DYNC1I1: variants seen among roughly 807,000 people sequenced by gnomAD.
The protein encoded by DYNC1I1 is dynein cytoplasmic 1 intermediate chain 1.
Under a neutral mutation model 86.6 loss-of-function variants are expected in DYNC1I1, and 43 were observed. The observed-to-expected ratio is 0.50, with a 90% CI of 0.39 to 0.64. DYNC1I1 has a LOEUF of 0.64. Ranked by LOEUF, DYNC1I1 falls within the 30% of genes least tolerant of loss-of-function variation. DYNC1I1 has a pLI of 0.00. For synonymous variants in DYNC1I1, 262 were observed against 283.7 expected (o/e 0.92, Z 0.77); for missense variants, 604 against 788.8 (o/e 0.77, Z 2.81).
intron 8 of DYNC1I1, 35 bp downstream of exon 8, chr7:95,985,012 G>A (rs768234520): frequency 3.4e-5 from 55 of 1,597,246 alleles, no homozygotes; most frequent in East Asian, 1.6e-4. Flanking sequence ...AAAAAATAGC[G>A]TAAGTTATCT....
At chr7:96,096,395 A>G (rs778069261) in intron 16 of DYNC1I1, among the ~76,000 whole-genome samples, 13 of 152,230 alleles carry the variant, frequency 8.5e-5, no homozygotes, top group Middle Eastern at 3.4e-3. Context: ...GTAGTGTAGC[A>G]CTAGTACCTA....
intron 6 of DYNC1I1, among the ~76,000 whole-genome samples, chr7:95,952,096 A>G (rs1792577465): frequency 6.6e-6 from 1 of 152,128 alleles, no homozygotes; most frequent in Non-Finnish European, 1.5e-5. Context: ...CATAGAGAAT[A>G]AGAATCTTTC....
rs192529706 is a variant in DYNC1I1, at chr7:95,920,198, G to A, written c.490+50200G>A. Reference sequence around the variant, plus strand: ...GCAATGAATCATGTTAGTAGCATGTGCCTTTAGAATGAGATGAGGAGCATG... The same window carrying A: ...GCAATGAATCATGTTAGTAGCATGTACCTTTAGAATGAGATGAGGAGCATG... On this transcript the variant is annotated intron_variant, in intron 6 of 16. Coordinates refer to ENST00000447467, the MANE Select transcript of DYNC1I1 (RefSeq NM_001135556.2). 7.9e-5 allele frequency among the ~76,000 whole-genome samples: 12 copies of A among 152,286 alleles called. No homozygotes were observed. The East Asian group carries it at 2.1e-3, about 27-fold the overall frequency.
At chr7:95,819,237 C>CTATA (rs1248612574) in intron 4 of DYNC1I1, among the ~76,000 whole-genome samples, 1 of 152,100 alleles carries the variant, frequency 6.6e-6, no homozygotes, top group Non-Finnish European at 1.5e-5. Context: ...TACTGGGCCT[C>CTATA]CATATAGTTA....
intron 9 of DYNC1I1, among the ~76,000 whole-genome samples, chr7:95,988,657 TAAGAACAGTGAGAG>T (rs1334160060): frequency 1.3e-5 from 2 of 152,314 alleles, no homozygotes; most frequent in South Asian, 2.1e-4. Flanking sequence ...AACACTGACA[TAAGAACAGTGAGAG>T]AAGCAGGAAT....
At chr7:95,863,602 A>T (rs1297649834) in intron 5 of DYNC1I1, among the ~76,000 whole-genome samples, 2 of 152,200 alleles carry the variant, frequency 1.3e-5, no homozygotes, top group Non-Finnish European at 2.9e-5. Context: ...CTCCCCATCC[A>T]GTCCTTGACA....
chr7:95,874,987 T>C (rs1032612395), intron 6 of DYNC1I1, among the ~76,000 whole-genome samples: 2 of 152,202 alleles, frequency 1.3e-5, no homozygotes, highest in African/African-American at 4.8e-5. Flanking sequence ...GGCTCATGAT[T>C]TAAACTCTGT....
chr7:95,990,255 CA>C (rs1369296429), intron 9 of DYNC1I1, among the ~76,000 whole-genome samples: 1 of 152,150 alleles, frequency 6.6e-6, no homozygotes, highest in Non-Finnish European at 1.5e-5. Flanking sequence ...TACCACGTGA[CA>C]GTTTTCAGAT....
intron 14 of DYNC1I1, among the ~76,000 whole-genome samples, chr7:96,071,817 T>C (rs1194564182): frequency 6.6e-6 from 1 of 152,198 alleles, no homozygotes; most frequent in Non-Finnish European, 1.5e-5. Flanking sequence ...TTACATAGTA[T>C]GTGCTTAGTA....
chr7:95,937,237 T>G (rs1012828294), intron 6 of DYNC1I1, among the ~76,000 whole-genome samples: 2 of 151,994 alleles, frequency 1.3e-5, no homozygotes, highest in African/African-American at 4.8e-5. Context: ...GTTCTAGAGC[T>G]CTAATGTGCA....
intron 6 of DYNC1I1, among the ~76,000 whole-genome samples, chr7:95,881,257 C>T (rs1346261703): frequency 6.6e-6 from 1 of 152,098 alleles, no homozygotes; most frequent in Non-Finnish European, 1.5e-5. Context: ...CCTTCCAATT[C>T]TCTATGAATG....
At chr7:95,905,419 G>C (rs1448600450) in intron 6 of DYNC1I1, among the ~76,000 whole-genome samples, 2 of 152,094 alleles carry the variant, frequency 1.3e-5, no homozygotes, top group Non-Finnish European at 2.9e-5. Context: ...TCTATACTTG[G>C]AGTTGTAGAC....
chr7:96,031,498 G>A lies in DYNC1I1; in HGVS notation c.1117-1169G>A, dbSNP rs1357611281. Among the ~76,000 whole-genome samples the A allele has an allele frequency of 2.6e-5, 4 of 152,110 alleles. No homozygotes were observed. In the East Asian group the frequency reaches 5.8e-4, roughly 22 times the overall value. On this transcript the variant is annotated intron_variant, in intron 11 of 16. Coordinates refer to ENST00000447467, the MANE Select transcript of DYNC1I1 (RefSeq NM_001135556.2). ...TTAGTGGAAGAAAAAACTCCCCCAG[G>A]ATACTACGAAAACTGGCTGCCCTTT...
At chr7:95,927,713 T>G (rs905936704) in intron 6 of DYNC1I1, among the ~76,000 whole-genome samples, 1 of 152,170 alleles carries the variant, frequency 6.6e-6, no homozygotes, top group Admixed American at 6.5e-5. Flanking sequence ...ATACTATTTT[T>G]ATTTTTGCAA....
intron 15 of DYNC1I1, among the ~76,000 whole-genome samples, chr7:96,077,862 C>T (rs894457441): frequency 6.6e-6 from 1 of 152,002 alleles, no homozygotes; most frequent in Non-Finnish European, 1.5e-5. Flanking sequence ...AATTTTTTCC[C>T]TTCTCTTTCT....
intron 6 of DYNC1I1, among the ~76,000 whole-genome samples, chr7:95,967,100 A>G (rs774788543): frequency 6.6e-6 from 1 of 152,204 alleles, no homozygotes; most frequent in African/African-American, 2.4e-5. Flanking sequence ...ATTGGGGCAT[A>G]CAGATATGAA....
At chr7:95,943,896 C>T (rs983188109) in intron 6 of DYNC1I1, among the ~76,000 whole-genome samples, 34 of 151,806 alleles carry the variant, frequency 2.2e-4, no homozygotes, top group African/African-American at 8.2e-4. Flanking sequence ...AAGACTTAAA[C>T]GTTAGACCTA....
At chr7:95,894,956 TG>T (rs1303394699) in intron 6 of DYNC1I1, among the ~76,000 whole-genome samples, 16 of 152,162 alleles carry the variant, frequency 1.1e-4, no homozygotes, top group African/African-American at 3.9e-4. Flanking sequence ...GGAGAAGAAT[TG>T]GGCCTTTTCT....
intron 2 of DYNC1I1, among the ~76,000 whole-genome samples, chr7:95,809,318 T>C (rs1794774535): frequency 6.6e-6 from 1 of 152,194 alleles, no homozygotes; most frequent in Non-Finnish European, 1.5e-5. Flanking sequence ...CTTCACTTGC[T>C]TTGAAAGGTA....
Sources: gnomAD v4.1 joint callset for allele counts (sites outside exome capture counted in the v4.1 genomes callset) on GRCh38, gnomAD v4.1.1 for gene constraint, MANE v1.5 for transcripts, NCBI Gene and HGNC (gene_info 2026-07-23, HGNC 2026-07-21) for gene names.